Variants in GABRB2 observed in about 807,000 individuals in gnomAD.
The protein encoded by GABRB2 is gamma-aminobutyric acid receptor subunit beta-2.
A neutral mutation model predicts 54.7 loss-of-function variants in GABRB2; 16 were observed. The ratio of observed to expected loss-of-function variants is 0.29; its 90% confidence interval spans 0.20 to 0.44. The LOEUF is 0.44. GABRB2 is among the 20% of genes least tolerant of loss of function. GABRB2 has a pLI of 1.00. For synonymous variants in GABRB2, 244 were observed against 233.8 expected (o/e 1.04, Z -0.40); for missense variants, 355 against 644.0 (o/e 0.55, Z 4.86).
At chr5:161,421,568 C>T (rs1303445814) in intron 4 of GABRB2, among the ~76,000 whole-genome samples, 1 of 152,162 alleles carries the variant, frequency 6.6e-6, no homozygotes, top group Non-Finnish European at 1.5e-5. Context: ...CACATATTTT[C>T]ACTGCAGTAC....
chr5:161,374,257 T>C (rs1755219569), intron 5 of GABRB2, among the ~76,000 whole-genome samples: 1 of 152,182 alleles, frequency 6.6e-6, no homozygotes, highest in Non-Finnish European at 1.5e-5. Flanking sequence ...GTCTTCTCTT[T>C]TGAGCTCTAT....
chr5:161,453,786 T>C (rs1056239429), intron 4 of GABRB2, among the ~76,000 whole-genome samples: 5 of 152,112 alleles, frequency 3.3e-5, no homozygotes, highest in African/African-American at 4.8e-5. Flanking sequence ...CCTGTAATCC[T>C]AGCACACTGG....
At chr5:161,336,310 G>T (rs1753991227) in intron 6 of GABRB2, among the ~76,000 whole-genome samples, 1 of 152,068 alleles carries the variant, frequency 6.6e-6, no homozygotes, top group Non-Finnish European at 1.5e-5. Flanking sequence ...CAATTCTGTG[G>T]GATGTATAAT....
At chr5:161,482,870 C>T (rs896740812) in intron 3 of GABRB2, among the ~76,000 whole-genome samples, 2 of 152,008 alleles carry the variant, frequency 1.3e-5, no homozygotes, top group African/African-American at 4.8e-5. Flanking sequence ...AGTCATTAGA[C>T]TTTCACAGAA....
At chr5:161,316,127 G>C (rs1758021557) in intron 9 of GABRB2, among the ~76,000 whole-genome samples, 1 of 152,114 alleles carries the variant, frequency 6.6e-6, no homozygotes, top group African/African-American at 2.4e-5. Context: ...GAGTATCTTA[G>C]AGCTATGTAA....
At chr5:161,406,458 A>G (rs978334612) in intron 5 of GABRB2, among the ~76,000 whole-genome samples, 2 of 151,976 alleles carry the variant, frequency 1.3e-5, no homozygotes, top group Non-Finnish European at 2.9e-5. Context: ...CTAATCTCAT[A>G]ATTAGTGCAA....
At chr5:161,530,925 C>T (rs748671373) in intron 3 of GABRB2, among the ~76,000 whole-genome samples, 86 of 152,172 alleles carry the variant, frequency 5.7e-4, no homozygotes, top group Non-Finnish European at 9.4e-4. Flanking sequence ...ACTGGCTTAA[C>T]GGTGCTTGAA....
chr5:161,492,185 C>T (rs901695147), intron 3 of GABRB2, among the ~76,000 whole-genome samples: 2 of 151,602 alleles, frequency 1.3e-5, no homozygotes, highest in Non-Finnish European at 3.0e-5. Flanking sequence ...AAAATTGACT[C>T]ATAAAATACC....
In GABRB2 at chr5:161,314,813, GAT is replaced by G. The variant is rs567023848; in HGVS notation, c.1191+11553_1191+11554del. 1.1e-4 allele frequency among the ~76,000 whole-genome samples: 17 copies of G among 151,904 alleles called. No individual in the cohort carries two copies. In the South Asian group the frequency reaches 2.5e-3, roughly 22 times the overall value. ...TTTTCCCAGTGAGAACTACTTTCAT[GAT>G]ACCAGAATTTCCTAGGATCTGCTAT... On this transcript the variant is annotated intron_variant, in intron 9 of 9. Transcript: ENST00000393959.
At chr5:161,493,900 A>C (rs1223931178) in intron 3 of GABRB2, among the ~76,000 whole-genome samples, 2 of 151,750 alleles carry the variant, frequency 1.3e-5, no homozygotes, top group South Asian at 2.1e-4. Flanking sequence ...CTAATGTTGA[A>C]GCATTCTAGG....
At chr5:161,462,972 G>C (rs35918200) in intron 3 of GABRB2, among the ~76,000 whole-genome samples, 3,411 of 152,034 alleles carry the variant, frequency 0.022, 61 homozygotes, top group Non-Finnish European at 0.034. Flanking sequence ...TTGGGAACTT[G>C]TCTCAGAGTT....
intron 3 of GABRB2, among the ~76,000 whole-genome samples, chr5:161,497,375 G>A (rs1461423093): frequency 6.6e-6 from 1 of 152,088 alleles, no homozygotes; most frequent in African/African-American, 2.4e-5. Context: ...CAGGAAGAAA[G>A]CACCATTGAG....
chr5:161,304,817 G>C (rs1161696215), intron 9 of GABRB2, among the ~76,000 whole-genome samples: 1 of 151,750 alleles, frequency 6.6e-6, no homozygotes, highest in East Asian at 1.9e-4. Flanking sequence ...ATGATGAATT[G>C]AATAATTTCT....
chr5:161,485,105 A>G (rs1250338469), intron 3 of GABRB2, among the ~76,000 whole-genome samples: 1 of 151,808 alleles, frequency 6.6e-6, no homozygotes, highest in Non-Finnish European at 1.5e-5. Context: ...ATTCTCTACT[A>G]GGTCCTAAAA....
Position 161,291,821 on chromosome 5 carries a change from G to A in GABRB2, c.*2260C>T, listed in dbSNP as rs1198890421. ...AGTTGACTCTAGAAGAGCCTTTTCA[G>A]AATGGCATTTTGGAGTTGTGCCCCT... On this transcript the variant is annotated 3_prime_UTR_variant, in exon 10 of 10. Coordinates refer to ENST00000393959, the MANE Select transcript of GABRB2 (RefSeq NM_001371727.1). 6.6e-6 allele frequency: 1 copy of A among 152,534 alleles called. No homozygotes were observed. Among genetic ancestry groups the A allele is most frequent in the Non-Finnish European group, 1.5e-5 (1 of 68,016 alleles). The allele number at this position is 152,534 out of a possible 1,614,324, so 9.4% of individuals were successfully genotyped here.
At chr5:161,335,851 G>C (rs769817454) in intron 6 of GABRB2, among the ~76,000 whole-genome samples, 1 of 152,136 alleles carries the variant, frequency 6.6e-6, no homozygotes, top group Non-Finnish European at 1.5e-5. Context: ...GCCTGAAGTG[G>C]TTTGTAGGCA....
rs79857832 is a variant in GABRB2, at chr5:161,315,170, A to G, written c.1191+11198T>C. Among the ~76,000 whole-genome samples the G allele has an allele frequency of 2.6e-5, 4 of 152,334 alleles. No homozygotes were observed. In the East Asian group the frequency reaches 7.7e-4, roughly 29 times the overall value. On this transcript the variant is annotated intron_variant, in intron 9 of 9. Coordinates refer to ENST00000393959, the MANE Select transcript of GABRB2 (RefSeq NM_001371727.1). ...CATATAAACTTTTAAGTGATTTATT[A>G]TATTTGGTTTAGTGCTGAGCTAGGT...
At chr5:161,536,048 C>A (rs1235220172) in intron 3 of GABRB2, among the ~76,000 whole-genome samples, 1 of 152,140 alleles carries the variant, frequency 6.6e-6, no homozygotes, top group Non-Finnish European at 1.5e-5. Flanking sequence ...TGATGAGGAC[C>A]TCACCAGATG....
intron 9 of GABRB2, among the ~76,000 whole-genome samples, chr5:161,304,476 G>A (rs542831981): frequency 2.6e-5 from 4 of 152,198 alleles, no homozygotes; most frequent in East Asian, 1.9e-4. Context: ...TCCACACTGT[G>A]TAGGCCTTGC....
Sources: gnomAD v4.1 joint callset for allele counts (sites outside exome capture counted in the v4.1 genomes callset) on GRCh38, gnomAD v4.1.1 for gene constraint, MANE v1.5 for transcripts, NCBI Gene and HGNC (gene_info 2026-07-23, HGNC 2026-07-21) for gene names.